The following RSF1 variants were observed in gnomAD, a reference collection of about 807,000 sequenced individuals.
RSF1 encodes remodeling and spacing factor 1, also known as HBV pX-associated protein 8.
RSF1 carries 13 observed loss-of-function variants against 145.2 expected under a neutral mutation model. That is an observed-to-expected ratio of 0.09 (90% CI 0.06 to 0.14). The LOEUF (loss-of-function observed/expected upper bound fraction) is 0.14, where lower values mean the gene tolerates loss of function less well. Ranked by LOEUF, RSF1 falls within the 10% of genes least tolerant of loss-of-function variation. The pLI, the probability that RSF1 is intolerant of heterozygous loss-of-function variation, is 1.00. For synonymous variants in RSF1, 577 were observed against 592.6 expected (o/e 0.97, Z 0.38); for missense variants, 1,517 against 1,718.2 (o/e 0.88, Z 2.07).
rs1960413628 is a variant in RSF1 at position 77,701,225 on chromosome 11, G to A, written c.2004C>T (p.Thr668=). Reference sequence around the variant, plus strand: ...TTGTGAACTCAGAATCCTCTTTTAGGGTTTCTAGGTCTACTTTTTTCACAG... The same window carrying A: ...TTGTGAACTCAGAATCCTCTTTTAGAGTTTCTAGGTCTACTTTTTTCACAG... The part of the protein sequence containing the change: ...GQSVKKVDLE[T]LKEDSEFTKV... Residue 668 remains threonine, a synonymous_variant, in exon 6 of 16, where the codon ACC becomes ACT. Coordinates refer to ENST00000308488, the MANE Select transcript of RSF1 (RefSeq NM_016578.4). 1 of 1,613,950 alleles carries A rather than the reference G, an allele frequency of 6.2e-7. No homozygotes were observed. Among genetic ancestry groups the A allele is most frequent in the South Asian group, 1.1e-5 (1 of 91,068 alleles).
chr11:77,765,840 T>C (rs1948219758), intron 1 of RSF1, among the ~76,000 whole-genome samples: 2 of 152,148 alleles, frequency 1.3e-5, no homozygotes, highest in Admixed American at 1.3e-4. Flanking sequence ...CTCCGCCTCC[T>C]GGGTTCAAGC....
At chr11:77,853,141 T>G in the RSF1 span, among the ~76,000 whole-genome samples, 1 of 152,218 alleles carries the variant, frequency 6.6e-6, no homozygotes, top group East Asian at 1.9e-4. Flanking sequence ...TTGTACCGTA[T>G]TTTAGTATTA....
chr11:77,729,363 T>C (rs1046101926), intron 4 of RSF1, among the ~76,000 whole-genome samples: 2 of 152,158 alleles, frequency 1.3e-5, no homozygotes, highest in African/African-American at 4.8e-5. Flanking sequence ...GTTACTGACT[T>C]TGACTTAACC....
chr11:77,870,598 A>G, the RSF1 span, among the ~76,000 whole-genome samples: 19,777 of 151,800 alleles, frequency 0.13, 1,459 homozygotes, highest in Admixed American at 0.2. Flanking sequence ...CAGCCTCCCA[A>G]AGTGTTGGGA....
intron 2 of RSF1, among the ~76,000 whole-genome samples, chr11:77,750,612 T>C (rs1948051946): frequency 1.3e-5 from 2 of 152,220 alleles, no homozygotes; most frequent in South Asian, 2.1e-4. Flanking sequence ...AGAGACTGTC[T>C]ATAACGGTGA....
chr11:77,747,244 A>G (rs545399077), intron 2 of RSF1, 116 bp from the exon 3 acceptor site: 58 of 616,040 alleles, frequency 9.4e-5, no homozygotes, highest in African/African-American at 9.2e-4. Flanking sequence ...AGGTTACACT[A>G]AACAGTCCAA....
intron 7 of RSF1, among the ~76,000 whole-genome samples, chr11:77,696,733 C>T (rs1246116905): frequency 6.6e-6 from 1 of 152,080 alleles, no homozygotes; most frequent in Admixed American, 6.6e-5. Flanking sequence ...CTCAAATGTC[C>T]TCTTGGCCTT....
chr11:77,693,764 C>CTATTT (rs371814200), intron 7 of RSF1, among the ~76,000 whole-genome samples, 153 bp from the exon 8 acceptor site: 1 of 146,556 alleles, frequency 6.8e-6, no homozygotes, highest in Non-Finnish European at 1.5e-5. Flanking sequence ...AGGGATCTGA[C>CTATTT]ATTTATTTAT....
At chr11:77,698,859 T>G (rs1960345833) in intron 6 of RSF1, among the ~76,000 whole-genome samples, 166 bp from the exon 7 acceptor site, 1 of 152,254 alleles carries the variant, frequency 6.6e-6, no homozygotes, top group East Asian at 1.9e-4. Context: ...AATTTTGGTA[T>G]ATATTTCCAC....
Position 77,667,373 on chromosome 11 carries a change from T to TTCCTCC in RSF1, c.3864_3869dup (p.Glu1291_Glu1292dup). ...GTTTGCGGGATGGTTTGCCTTCCTC[T>TTCCTCC]TCCTCCTCCTCCTCATCTGCTTCTG... On this transcript the variant is annotated inframe_insertion, in exon 16 of 16. Coordinates refer to ENST00000308488, the MANE Select transcript of RSF1 (RefSeq NM_016578.4). 1.2e-6 allele frequency: 2 copies of TTCCTCC among 1,613,274 alleles called. No homozygotes were observed. The highest frequency in any genetic ancestry group is 2.2e-5 in the South Asian group (2 of 91,044).
the RSF1 span, among the ~76,000 whole-genome samples, chr11:77,839,527 C>T: frequency 6.6e-6 from 1 of 152,282 alleles, no homozygotes; most frequent in South Asian, 2.1e-4. Flanking sequence ...CACATATATT[C>T]ATTGCAGCAC....
At chr11:77,675,010 A>C in intron 14 of RSF1, 26 bp downstream of exon 14, 839 of 1,377,702 alleles carry the variant, frequency 6.1e-4, no homozygotes, top group Non-Finnish European at 7.7e-4. Flanking sequence ...TTATTGAGCT[A>C]CCATATGGTT....
intron 1 of RSF1, among the ~76,000 whole-genome samples, chr11:77,808,824 C>T (rs1017658861): frequency 3.8e-5 from 4 of 104,274 alleles, no homozygotes; most frequent in African/African-American, 4.8e-5. Context: ...TGAGCCACCG[C>T]GCCCGGCCTC....
upstream of RSF1, among the ~76,000 whole-genome samples, chr11:77,822,205 C>T (rs1390349889): frequency 6.6e-6 from 1 of 151,844 alleles, no homozygotes; most frequent in African/African-American, 2.4e-5. Context: ...TTTGGGAAAC[C>T]GAGGTGGGTG....
At chr11:77,709,446 C>T (rs1378659465) in intron 5 of RSF1, among the ~76,000 whole-genome samples, 1 of 152,040 alleles carries the variant, frequency 6.6e-6, no homozygotes, top group Non-Finnish European at 1.5e-5. Context: ...TATTTGTTGA[C>T]TGAAATGAGT....
intron 1 of RSF1, among the ~76,000 whole-genome samples, chr11:77,791,627 T>C (rs1205578557): frequency 2.0e-5 from 3 of 152,158 alleles, no homozygotes; most frequent in Non-Finnish European, 4.4e-5. Context: ...TGCTTAGAAA[T>C]TTCTTCCGCC....
rs543963824 is a variant in RSF1 at position 77,719,523 on chromosome 11, T to C, written c.733+6022A>G. On this transcript the variant is annotated intron_variant, in intron 5 of 15. Transcript: ENST00000308488. ...ACCATTACTCAGCTACAGAGTATTT[T>C]TGACATATAAAAATGATGATCCAAA... Among the ~76,000 whole-genome samples the C allele has an allele frequency of 5.9e-5, 9 of 152,356 alleles. No individual in the cohort carries two copies. In the South Asian group the frequency reaches 1.2e-3, roughly 21 times the overall value.
intron 1 of RSF1, among the ~76,000 whole-genome samples, chr11:77,774,459 C>G (rs1470237943): frequency 6.6e-6 from 1 of 151,802 alleles, no homozygotes; most frequent in African/African-American, 2.4e-5. Context: ...GTAGTCCCAG[C>G]TACTCGGGAG....
At chr11:77,800,145 G>A (rs1380750097) in intron 1 of RSF1, among the ~76,000 whole-genome samples, 8 of 152,044 alleles carry the variant, frequency 5.3e-5, no homozygotes, top group Non-Finnish European at 8.8e-5. Flanking sequence ...GGGTGACGTG[G>A]CAAGACCCTA....
Sources: allele counts gnomAD v4.1 joint callset (sites outside exome capture counted in the v4.1 genomes callset), GRCh38; gene constraint gnomAD v4.1.1; transcripts MANE v1.5; gene names NCBI Gene and HGNC (gene_info 2026-07-23, HGNC 2026-07-21).